TFCP2: variants seen among roughly 807,000 people sequenced by gnomAD.
The protein encoded by TFCP2 is alpha-globin transcription factor CP2.
TFCP2 carries 33 observed loss-of-function variants against 73.4 expected under a neutral mutation model. The ratio of observed to expected loss-of-function variants is 0.45; its 90% CI spans 0.34 to 0.60. The LOEUF (loss-of-function observed/expected upper bound fraction) is 0.60, where lower values mean the gene tolerates loss of function less well. TFCP2 is among the 20% of genes least tolerant of loss of function. TFCP2 has a pLI of 0.01. For synonymous variants in TFCP2, 193 were observed against 211.6 expected, an observed-to-expected ratio of 0.91 and a Z score of 0.76; for missense variants, 352 against 604.0, an observed-to-expected ratio of 0.58 and a Z score of 4.37.
intron 4 of TFCP2, among the ~76,000 whole-genome samples, chr12:51,113,079 T>C (rs1170917044): frequency 6.6e-6 from 1 of 152,078 alleles, no homozygotes; most frequent in Non-Finnish European, 1.5e-5. Context: ...GTAATATGTA[T>C]TATCAGAACT....
chr12:51,142,135 C>G (rs565223686), intron 1 of TFCP2, among the ~76,000 whole-genome samples: 1 of 122,850 alleles, frequency 8.1e-6, no homozygotes, highest in African/African-American at 3.1e-5. Flanking sequence ...ATCCCCAAGG[C>G]GGAGATTGCA....
chr12:51,133,315 CT>C (rs896711159), intron 1 of TFCP2, among the ~76,000 whole-genome samples: 12 of 149,354 alleles, frequency 8.0e-5, no homozygotes, highest in Middle Eastern at 3.4e-3. Context: ...TTCACTCTCT[CT>C]TTTTTTTTTC....
chr12:51,097,702 A>G (rs1939999186), intron 13 of TFCP2, among the ~76,000 whole-genome samples: 1 of 152,078 alleles, frequency 6.6e-6, no homozygotes, highest in Admixed American at 6.6e-5. Context: ...TCAATAAAAG[A>G]TGTTTGTGCA....
At chr12:51,118,804 C>T in intron 1 of TFCP2, 32 bp from the exon 2 acceptor site, 2 of 1,610,758 alleles carry the variant, frequency 1.2e-6, no homozygotes, top group Non-Finnish European at 8.5e-7. Context: ...ACATTAATAC[C>T]TGGCAATGGT....
chr12:51,156,396 G>A (rs887472849), intron 1 of TFCP2, among the ~76,000 whole-genome samples: 18 of 151,918 alleles, frequency 1.2e-4, no homozygotes, highest in African/African-American at 4.1e-4. Context: ...AACTAATAGA[G>A]CAAAAATGCA....
intron 1 of TFCP2, among the ~76,000 whole-genome samples, chr12:51,124,464 C>T (rs1052376345): frequency 6.6e-6 from 1 of 151,444 alleles, no homozygotes; most frequent in Non-Finnish European, 1.5e-5. Flanking sequence ...ACTTTTATTT[C>T]CTTCACTTTA....
At chr12:51,165,426 T>C (rs1352134284) in intron 1 of TFCP2, among the ~76,000 whole-genome samples, 2 of 150,344 alleles carry the variant, frequency 1.3e-5, no homozygotes, top group African/African-American at 5.0e-5. Context: ...TTTGAAAAAA[T>C]TCAATACCCT....
intron 12 of TFCP2, 146 bp downstream of exon 12, chr12:51,099,509 G>T: frequency 3.9e-6 from 4 of 1,038,010 alleles, no homozygotes; most frequent in Non-Finnish European, 5.6e-6. Flanking sequence ...CACCTGCCAT[G>T]TATTAGGAAC....
chr12:51,146,391 C>T (rs971903300), intron 1 of TFCP2, among the ~76,000 whole-genome samples: 1 of 151,826 alleles, frequency 6.6e-6, no homozygotes, highest in African/African-American at 2.4e-5. Context: ...CCCCATACCC[C>T]CAAAAAACTC....
intron 1 of TFCP2, among the ~76,000 whole-genome samples, chr12:51,149,623 G>A (rs1941379148): frequency 6.6e-6 from 1 of 151,406 alleles, no homozygotes; most frequent in Admixed American, 6.6e-5. Context: ...TTTTCGAGAT[G>A]GAGGCTCGCT....
intron 1 of TFCP2, among the ~76,000 whole-genome samples, chr12:51,154,724 T>C (rs1565576864): frequency 1.3e-5 from 2 of 152,110 alleles, no homozygotes; most frequent in Non-Finnish European, 1.5e-5. Context: ...GTCTCTCTCT[T>C]TCTCTCAAAA....
At position 51,116,300 on chromosome 12, in the gene TFCP2, A is replaced by G. The variant is rs763138806; in HGVS notation, c.457+15T>C. On this transcript the variant is annotated intron_variant, in intron 4 of 14. Transcript: ENST00000257915. ...GCTAAAGGCATTTCCTAGGCAATAG[A>G]TTCTCTTAACTCACCTATGTCAAGA... The G allele has an allele frequency of 2.7e-6, 4 of 1,491,084 alleles. No individual in the cohort carries two copies. In the East Asian group the frequency reaches 9.1e-5, roughly 34 times the overall value. The allele number at this position is 1,491,084 out of a possible 1,614,324, so 92.4% of individuals were successfully genotyped here.
At chr12:51,099,090 T>G (rs532119479) in intron 12 of TFCP2, among the ~76,000 whole-genome samples, 172 bp from the exon 13 acceptor site, 1 of 152,260 alleles carries the variant, frequency 6.6e-6, no homozygotes, top group African/African-American at 2.4e-5. Flanking sequence ...TATTTAACAT[T>G]CCTAGGCCTG....
At chr12:51,152,798 T>C (rs1419878908) in intron 1 of TFCP2, among the ~76,000 whole-genome samples, 2 of 152,216 alleles carry the variant, frequency 1.3e-5, no homozygotes. Flanking sequence ...TTTATTGTGA[T>C]AAAATACACA....
intron 4 of TFCP2, among the ~76,000 whole-genome samples, chr12:51,112,269 C>G (rs891173915): frequency 6.6e-6 from 1 of 152,134 alleles, no homozygotes; most frequent in Admixed American, 6.6e-5. Context: ...GGGTAATCAG[C>G]ATATTCATTG....
chr12:51,158,527 C>T (rs1169524530), intron 1 of TFCP2, among the ~76,000 whole-genome samples: 6 of 152,060 alleles, frequency 3.9e-5, no homozygotes, highest in Admixed American at 3.3e-4. Flanking sequence ...CTTGCTCTGT[C>T]GCCCAGGCTG....
chr12:51,143,007 G>A (rs1941223503), intron 1 of TFCP2, among the ~76,000 whole-genome samples: 1 of 151,950 alleles, frequency 6.6e-6, no homozygotes, highest in Admixed American at 6.6e-5. Flanking sequence ...ACTCTTACCT[G>A]ATTTTCTTCC....
At chr12:51,141,806 T>C (rs1430235316) in intron 1 of TFCP2, among the ~76,000 whole-genome samples, 3 of 149,730 alleles carry the variant, frequency 2.0e-5, no homozygotes, top group Admixed American at 6.7e-5. Context: ...CTCGGGAGGC[T>C]GAGGTACAAG....
At chr12:51,101,818 T>C in intron 11 of TFCP2, 117 bp downstream of exon 11, 2 of 612,166 alleles carry the variant, frequency 3.3e-6, no homozygotes, top group Non-Finnish European at 5.7e-6. Context: ...ATAGCTGACA[T>C]TTAAAACAAA....
Sources: allele counts gnomAD v4.1 joint callset (sites outside exome capture counted in the v4.1 genomes callset), GRCh38; gene constraint gnomAD v4.1.1; transcripts MANE v1.5; gene names NCBI Gene and HGNC (gene_info 2026-07-23, HGNC 2026-07-21).